Variants in PDE3A observed in about 807,000 individuals in gnomAD.
PDE3A encodes the protein phosphodiesterase 3A, also known as cGMP-inhibited 3',5'-cyclic phosphodiesterase 3A.
A neutral mutation model predicts 98.3 loss-of-function variants in PDE3A; 43 were observed. The ratio of observed to expected loss-of-function variants is 0.44; its 90% CI spans 0.34 to 0.56. The LOEUF is 0.56. PDE3A is among the 20% of genes least tolerant of loss of function. The pLI is 0.01. For synonymous variants in PDE3A, 663 were observed against 567.9 expected (o/e 1.17, Z -2.38); for missense variants, 1,427 against 1,440.7 (o/e 0.99, Z 0.15).
Position 20,474,818 on chromosome 12 carries a change from G to T in PDE3A, c.961-81842G>T, listed in dbSNP as rs58561346. Among the ~76,000 whole-genome samples the T allele has an allele frequency of 5.5e-3, 830 of 152,204 alleles. 10 individuals are homozygous for T. The highest frequency in any genetic ancestry group is 0.019 in the African/African-American group (790 of 41,516). On this transcript the variant is annotated intron_variant, in intron 1 of 15. Coordinates refer to ENST00000359062, the MANE Select transcript of PDE3A (RefSeq NM_000921.5). ...TTAGGCTCCATTCAGATAATCGGGGGAATCTCCCTATCTCAAAATCCTTAA... is the reference window on the plus strand; with the variant it reads ...TTAGGCTCCATTCAGATAATCGGGGTAATCTCCCTATCTCAAAATCCTTAA...
intron 14 of PDE3A, among the ~76,000 whole-genome samples, chr12:20,653,426 G>A (rs1234732515): frequency 3.3e-5 from 5 of 151,536 alleles, no homozygotes; most frequent in African/African-American, 4.9e-5. Context: ...GCAGTGGCAC[G>A]ATCTCAGCTC....
intron 2 of PDE3A, among the ~76,000 whole-genome samples, chr12:20,576,049 A>G (rs546688285): frequency 2.6e-5 from 4 of 152,014 alleles, no homozygotes; most frequent in Non-Finnish European, 4.4e-5. Flanking sequence ...TATAGGGTAC[A>G]TGAAATATTT....
intron 2 of PDE3A, among the ~76,000 whole-genome samples, chr12:20,606,794 G>A (rs1943720136): frequency 1.4e-5 from 2 of 147,898 alleles, no homozygotes; most frequent in East Asian, 2.0e-4. Flanking sequence ...GGAGGTGGAG[G>A]TTGCAGTGAG....
At chr12:20,566,823 T>C (rs1258376800) in intron 2 of PDE3A, among the ~76,000 whole-genome samples, 1 of 151,914 alleles carries the variant, frequency 6.6e-6, no homozygotes, top group Non-Finnish European at 1.5e-5. Context: ...TTAGTGGGAA[T>C]GAATGATGAT....
intron 2 of PDE3A, among the ~76,000 whole-genome samples, chr12:20,573,563 G>A (rs576714881): frequency 1.3e-5 from 2 of 152,118 alleles, no homozygotes; most frequent in East Asian, 3.9e-4. Flanking sequence ...CAGGACAAAC[G>A]CAAGAGGTAA....
chr12:20,459,710 A>G (rs1945214777), intron 1 of PDE3A, among the ~76,000 whole-genome samples: 1 of 152,208 alleles, frequency 6.6e-6, no homozygotes, highest in African/African-American at 2.4e-5. Context: ...AGTACCATTA[A>G]TGATGGGAAG....
chr12:20,653,204 A>G (rs1475279826), intron 14 of PDE3A, among the ~76,000 whole-genome samples: 1 of 152,230 alleles, frequency 6.6e-6, no homozygotes, highest in Non-Finnish European at 1.5e-5. Flanking sequence ...AAATAAGAAT[A>G]TCAGAAACCA....
chr12:20,633,741 G>A lies in PDE3A; in HGVS notation c.1809G>A (p.Glu603=), dbSNP rs140527193. 1.9e-6 allele frequency: 3 copies of A among 1,610,606 alleles called. No homozygotes were observed. In the Admixed American group the frequency reaches 5.0e-5, roughly 27 times the overall value. ...SQGNPADEPL[E]RSGVATRTPS... is the part of the protein sequence containing the mutation. The stretch of plus-strand genomic sequence containing the variant: ...GGAATCCTGCTGATGAGCCCCTGGA[G>A]AGAAGTGGGGTAGCCACTCGGACAC... The change falls in exon 7 of 16, where the codon GAG becomes GAA. Residue 603 remains glutamate, a synonymous_variant. Transcript: ENST00000359062.
intron 15 of PDE3A, among the ~76,000 whole-genome samples, chr12:20,676,323 T>A (rs13377615): frequency 0.06 from 9,177 of 152,196 alleles, 560 homozygotes; most frequent in Middle Eastern, 0.18. Context: ...CCTTCATTTA[T>A]AAAGGACAAC....
At chr12:20,612,414 A>T (rs4594049) in intron 2 of PDE3A, among the ~76,000 whole-genome samples, 146,370 of 151,352 alleles carry the variant, frequency 0.97, 70,967 homozygotes, top group East Asian at 1. Flanking sequence ...TGCTTATGGT[A>T]TATTTTCTTA....
intron 13 of PDE3A, among the ~76,000 whole-genome samples, chr12:20,649,152 C>T (rs1944857948): frequency 6.6e-6 from 1 of 151,658 alleles, no homozygotes; most frequent in Non-Finnish European, 1.5e-5. Context: ...AGGCTGCTCT[C>T]AAACTCCTGA....
chr12:20,375,607 T>A (rs1315564484), intron 1 of PDE3A, among the ~76,000 whole-genome samples: 3 of 151,976 alleles, frequency 2.0e-5, no homozygotes, highest in Non-Finnish European at 4.4e-5. Flanking sequence ...TTACCCATTA[T>A]CCATAAAGGC....
chr12:20,544,279 A>C (rs1941997041), intron 1 of PDE3A, among the ~76,000 whole-genome samples: 1 of 151,362 alleles, frequency 6.6e-6, no homozygotes, highest in African/African-American at 2.4e-5. Flanking sequence ...AGAAATGAAA[A>C]ATTTGTATTG....
intron 1 of PDE3A, among the ~76,000 whole-genome samples, chr12:20,431,635 A>C (rs541907088): frequency 2.0e-5 from 3 of 151,948 alleles, no homozygotes; most frequent in Admixed American, 6.6e-5. Context: ...ACACACACGC[A>C]CGCACAAATG....
chr12:20,683,081 C>A lies in PDE3A; in HGVS notation c.*2810C>A, dbSNP rs1411369440. 1 of 152,170 alleles carries A rather than the reference C, an allele frequency of 6.6e-6. No individual in the cohort carries two copies. Among genetic ancestry groups the A allele is most frequent in the African/African-American group, 2.4e-5 (1 of 41,436 alleles). The allele number at this position is 152,170 out of a possible 1,614,324, so 9.4% of individuals were successfully genotyped here. A position where few individuals can be genotyped will look rare whatever the true frequency, so the allele number is the denominator to read the frequency against. The stretch of plus-strand genomic sequence containing the variant: ...CCAGAACTGTGTTCAGCAATCCAGG[C>A]AGATTGATACATTTTTCTTTAAAAA... On this transcript the variant is annotated 3_prime_UTR_variant, in exon 16 of 16. Coordinates refer to ENST00000359062, the MANE Select transcript of PDE3A (RefSeq NM_000921.5).
intron 2 of PDE3A, among the ~76,000 whole-genome samples, chr12:20,597,441 A>C (rs1943491367): frequency 1.3e-5 from 2 of 152,190 alleles, no homozygotes; most frequent in Admixed American, 1.3e-4. Context: ...TATGTTTGCT[A>C]TCTGTCTTTC....
chr12:20,667,239 A>G (rs962277085), intron 15 of PDE3A, among the ~76,000 whole-genome samples: 6 of 151,918 alleles, frequency 3.9e-5, no homozygotes, highest in Admixed American at 6.6e-5. Flanking sequence ...TCTCTTCACT[A>G]TGTTGATTCA....
At chr12:20,620,333 A>T (rs1053429080) in intron 4 of PDE3A, among the ~76,000 whole-genome samples, 3 of 152,068 alleles carry the variant, frequency 2.0e-5, no homozygotes, top group Non-Finnish European at 4.4e-5. Flanking sequence ...TATAGATTGT[A>T]CCCAGTACCA....
intron 1 of PDE3A, among the ~76,000 whole-genome samples, chr12:20,370,985 C>G (rs12824959): frequency 0.17 from 25,606 of 152,176 alleles, 2,388 homozygotes; most frequent in Admixed American, 0.21. Context: ...AAAAACAAAA[C>G]AGTTCTCTTT....
Sources: gnomAD v4.1 joint callset for allele counts (sites outside exome capture counted in the v4.1 genomes callset) on GRCh38, gnomAD v4.1.1 for gene constraint, MANE v1.5 for transcripts, NCBI Gene and HGNC (gene_info 2026-07-23, HGNC 2026-07-21) for gene names.